SIGLEC12: variants seen among roughly 807,000 people sequenced by gnomAD.
The protein encoded by SIGLEC12 is sialic acid binding Ig like lectin 12, also known as sialic acid-binding Ig-like lectin 12.
In SIGLEC12, 43 loss-of-function variants were observed where a neutral mutation model predicts 54.1. The ratio of observed to expected loss-of-function variants is 0.80; its 90% CI spans 0.62 to 1.03. SIGLEC12 has a LOEUF of 1.03. Ranked by LOEUF, SIGLEC12 falls within the 50% of genes least tolerant of loss-of-function variation. The pLI is 0.00. For missense variants in SIGLEC12, 802 were observed against 735.2 expected (o/e 1.09, Z -1.05); for synonymous variants, 357 against 307.6 (o/e 1.16, Z -1.68).
intron 1 of SIGLEC12, among the ~76,000 whole-genome samples, chr19:51,500,806 C>T (rs1990373731): frequency 6.6e-6 from 1 of 151,884 alleles, no homozygotes; most frequent in South Asian, 2.1e-4. Context: ...GGTGCCTCTG[C>T]TGCCCTTGGT....
At chr19:51,492,725 G>A (rs1237424867) in intron 7 of SIGLEC12, among the ~76,000 whole-genome samples, 2 of 152,180 alleles carry the variant, frequency 1.3e-5, no homozygotes, top group Non-Finnish European at 2.9e-5. Flanking sequence ...CCTGAGCCAA[G>A]GAATGCAGGT....
intron 7 of SIGLEC12, among the ~76,000 whole-genome samples, chr19:51,496,655 A>T (rs936586974): frequency 2.0e-5 from 3 of 152,128 alleles, no homozygotes; most frequent in Admixed American, 6.5e-5. Context: ...GGCAAGAGGC[A>T]GGGAGGTGAG....
intron 7 of SIGLEC12, among the ~76,000 whole-genome samples, 159 bp from the exon 8 acceptor site, chr19:51,491,988 T>A (rs1386789701): frequency 6.6e-6 from 1 of 152,206 alleles, no homozygotes; most frequent in African/African-American, 2.4e-5. Flanking sequence ...AATACTCAAT[T>A]ATCACCTTAT....
In SIGLEC12 at chr19:51,499,660, TG is replaced by T. The variant is rs1469296823; in HGVS notation, c.864del (p.Arg289GlyfsTer3). On this transcript the variant is annotated frameshift_variant, in exon 3 of 8. Coordinates refer to ENST00000291707, the MANE Select transcript of SIGLEC12 (RefSeq NM_053003.4). LOFTEE classifies it high-confidence loss of function. ...CAGGGCACAGAGCAGGTCAGGTTCC[TG>T]GGGTGGCCAGACTCCAGGGTCCCCG... is the stretch of plus-strand genomic sequence containing the variant. Reference protein sequence around the residue: ...SIPGTLESGHPRNLTCSVPWA... With the variant: ...SIPGTLESGHXRNLTCSVPWA... The T allele has an allele frequency of 6.2e-7, 1 of 1,613,986 alleles. No individual in the cohort carries two copies. The highest frequency in any genetic ancestry group is 1.7e-5 in the Admixed American group (1 of 60,010).
At position 51,499,481 on chromosome 19, in the gene SIGLEC12, C is replaced by CT; in HGVS notation, c.1043_1044insA (p.Ala349GlyfsTer93). The stretch of plus-strand genomic sequence containing the variant: ...CAGCCCTGGTCATGGTCACGCCGGC[C>CT]CCAGGCAAGGTCACCTGACAGGTGA... On this transcript the variant is annotated frameshift_variant, in exon 3 of 8. Transcript: ENST00000291707. LOFTEE classifies it high-confidence loss of function. The CT allele has an allele frequency of 6.2e-7, 1 of 1,605,154 alleles. No individual in the cohort carries two copies. The highest frequency in any genetic ancestry group is 8.5e-7 in the Non-Finnish European group (1 of 1,176,102).
At chr19:51,495,959 C>A (rs1420382820) in intron 7 of SIGLEC12, among the ~76,000 whole-genome samples, 1 of 152,088 alleles carries the variant, frequency 6.6e-6, no homozygotes, top group African/African-American at 2.4e-5. Flanking sequence ...AATGTGAAGA[C>A]GTAGAGACAC....
chr19:51,492,365 G>A (rs1478002573), intron 7 of SIGLEC12, among the ~76,000 whole-genome samples: 3 of 152,346 alleles, frequency 2.0e-5, no homozygotes, highest in South Asian at 2.1e-4. Context: ...AAGTGAGAGA[G>A]AATTACAGGG....
At chr19:51,493,206 G>A (rs1285849333) in intron 7 of SIGLEC12, among the ~76,000 whole-genome samples, 1 of 151,738 alleles carries the variant, frequency 6.6e-6, no homozygotes, top group Non-Finnish European at 1.5e-5. Flanking sequence ...CAGCAGCAGA[G>A]GACCCAGCTG....
At chr19:51,497,718 C>G (rs1475470562) in intron 5 of SIGLEC12, among the ~76,000 whole-genome samples, 1 of 152,230 alleles carries the variant, frequency 6.6e-6, no homozygotes, top group African/African-American at 2.4e-5. Flanking sequence ...AAGATTATTT[C>G]TCTTGCTTGC....
intron 7 of SIGLEC12, among the ~76,000 whole-genome samples, chr19:51,493,594 G>C (rs1990159748): frequency 6.6e-6 from 1 of 152,022 alleles, no homozygotes; most frequent in Admixed American, 6.5e-5. Context: ...CTGCCTCAAT[G>C]ACTGACCCCT....
intron 7 of SIGLEC12, among the ~76,000 whole-genome samples, chr19:51,494,100 C>T (rs1027016967): frequency 1.3e-5 from 2 of 152,206 alleles, no homozygotes; most frequent in African/African-American, 4.8e-5. Context: ...CTGGAGTGCT[C>T]TTCAATCTCA....
chr19:51,492,941 T>G (rs942475305), intron 7 of SIGLEC12, among the ~76,000 whole-genome samples: 1 of 152,200 alleles, frequency 6.6e-6, no homozygotes, highest in Non-Finnish European at 1.5e-5. Context: ...GAAACTAATA[T>G]AGACTCACAC....
rs775589119 is a variant in SIGLEC12, at chr19:51,497,453, T to A, written c.1406-8A>T. The A allele has an allele frequency of 1.9e-6, 3 of 1,603,208 alleles. No individual in the cohort carries two copies. The highest frequency in any genetic ancestry group is 1.1e-5 in the South Asian group (1 of 90,770). ...ATATAGGCCTCATTTTGCCTGAGGA[T>A]GGATTGGAGTTGTTTTGGGGTTTAC... On this transcript the variant is annotated splice_polypyrimidine_tract_variant and splice_region_variant and intron_variant, in intron 5 of 7. Transcript: ENST00000291707.
chr19:51,496,108 C>T (rs1233477837), intron 7 of SIGLEC12, among the ~76,000 whole-genome samples: 4 of 152,062 alleles, frequency 2.6e-5, no homozygotes, highest in Non-Finnish European at 5.9e-5. Flanking sequence ...AAAGGGTGCC[C>T]CAAATCTCAG....
chr19:51,496,952 C>G lies in SIGLEC12; in HGVS notation c.1527G>C (p.Ser509=). Residue 509 remains serine (S), a synonymous_variant, in exon 7 of 8, where the codon TCG becomes TCC. Coordinates refer to ENST00000291707, the MANE Select transcript of SIGLEC12 (RefSeq NM_053003.4). ...CCCCCACGCCCACTGCTGGCCTTGC[C>G]GATTTCTTCCTGCAGGACCTCACTC... The part of the protein sequence containing the change: ...FVVVRSCRKK[S]ARPAVGVGDT... 1 of 1,613,410 alleles carries G rather than the reference C, an allele frequency of 6.2e-7. No individual in the cohort carries two copies. The highest frequency in any genetic ancestry group is 8.5e-7 in the Non-Finnish European group (1 of 1,179,994).
Position 51,499,872 on chromosome 19 carries a change from C to T in SIGLEC12, c.808+48G>A, listed in dbSNP as rs532353170. The stretch of plus-strand genomic sequence containing the variant: ...GGGGTCCCACCTCAGCCCTACCCTG[C>T]GGCCCTCGGGCCTTCCCCTCTGGCT... On this transcript the variant is annotated intron_variant, in intron 2 of 7. Coordinates refer to ENST00000291707, the MANE Select transcript of SIGLEC12 (RefSeq NM_053003.4). 9.2e-5 allele frequency: 144 copies of T among 1,564,404 alleles called. 1 individual carries two copies. Among genetic ancestry groups the T allele is most frequent in the East Asian group, 2.2e-4 (10 of 44,576 alleles).
In SIGLEC12 at chr19:51,501,338, A is replaced by T; in HGVS notation, c.396T>A (p.Tyr132Ter). The T allele has an allele frequency of 6.2e-7, 1 of 1,614,108 alleles. No homozygotes were observed. Among genetic ancestry groups the T allele is most frequent in the Non-Finnish European group, 8.5e-7 (1 of 1,180,004 alleles). Residue 132 changes from tyrosine to a stop codon, truncating the protein, a stop_gained, in exon 1 of 8, where the codon TAT (tyrosine) becomes TAA (stop). Coordinates refer to ENST00000291707, the MANE Select transcript of SIGLEC12 (RefSeq NM_053003.4). LOFTEE classifies it high-confidence loss of function. ...CATTCACAGAGAGCTGGTCATATTTATAATTCCATTTCATATTTCCTCTCT... is the reference window on the plus strand; with the variant it reads ...CATTCACAGAGAGCTGGTCATATTTTTAATTCCATTTCATATTTCCTCTCT... ...CVERGNMKWNYKYDQLSVNVT... is the reference protein window; with the variant it reads ...CVERGNMKWN
rs770810884 is a variant in SIGLEC12 at position 51,500,051 on chromosome 19, G to A, written c.677C>T (p.Pro226Leu). The stretch of plus-strand genomic sequence containing the variant: ...GCTCAGGGAGCAGTTGTTGGTCTGT[G>A]GGTCCCCAAGGAGGAGGAATCGACC... ...THGRFLLLGD[P>L]QTNNCSLSIR... is the part of the protein sequence containing the mutation. Residue 226 changes from proline (P) to leucine (L), a missense_variant, in exon 2 of 8, where the codon CCA (proline) becomes CTA (leucine). By Grantham distance (98) the Pro-to-Leu change is moderately conservative (BLOSUM62 -3). Transcript: ENST00000291707. The A allele has an allele frequency of 6.2e-7, 1 of 1,614,102 alleles. No homozygotes were observed. Among genetic ancestry groups the A allele is most frequent in the Non-Finnish European group, 8.5e-7 (1 of 1,179,992 alleles).
chr19:51,497,564 A>G, intron 5 of SIGLEC12, 119 bp from the exon 6 acceptor site: 4 of 679,382 alleles, frequency 5.9e-6, no homozygotes, highest in South Asian at 3.8e-5. Flanking sequence ...GACAGAAAGA[A>G]CAAGGACGGA....
Sources: allele counts gnomAD v4.1 joint callset (sites outside exome capture counted in the v4.1 genomes callset), GRCh38; gene constraint gnomAD v4.1.1; transcripts MANE v1.5; gene names NCBI Gene and HGNC (gene_info 2026-07-23, HGNC 2026-07-21).